The following PCDH15 variants were observed in gnomAD, a reference collection of about 807,000 sequenced individuals.
PCDH15 encodes the protein protocadherin-15.
PCDH15 carries 129 observed loss-of-function variants against 178.5 expected under a neutral mutation model. The ratio of observed to expected loss-of-function variants is 0.72; its 90% CI spans 0.63 to 0.84. PCDH15 has a LOEUF of 0.84. PCDH15 is among the 40% of genes least tolerant of loss of function. PCDH15 has a pLI of 0.00. For missense variants in PCDH15, 2,230 were observed against 2,099.9 expected (o/e 1.06, Z -1.21); for synonymous variants, 800 against 732.0 (o/e 1.09, Z -1.50).
intron 3 of PCDH15, among the ~76,000 whole-genome samples, chr10:54,505,859 C>T (rs1216438982): frequency 6.6e-6 from 1 of 152,042 alleles, no homozygotes; most frequent in Non-Finnish European, 1.5e-5. Context: ...ATAAAATTAG[C>T]TTGTGAAAGT....
At chr10:54,456,767 C>T (rs1325619364) in intron 3 of PCDH15, among the ~76,000 whole-genome samples, 1 of 152,088 alleles carries the variant, frequency 6.6e-6, no homozygotes, top group African/African-American at 2.4e-5. Flanking sequence ...ATGGGAGGGA[C>T]ACAGTGGGAG....
At chr10:55,425,589 A>C (rs1344810314) in intron 2 of PCDH15, among the ~76,000 whole-genome samples, 4 of 152,080 alleles carry the variant, frequency 2.6e-5, no homozygotes, top group Admixed American at 2.0e-4. Flanking sequence ...ATCTAATGTA[A>C]AATATCTTTA....
intron 3 of PCDH15, among the ~76,000 whole-genome samples, chr10:54,438,560 A>G (rs2075590986): frequency 6.6e-6 from 1 of 152,054 alleles, no homozygotes; most frequent in African/African-American, 2.4e-5. Context: ...CCATCTTGCC[A>G]TCAAAAGCTG....
At chr10:54,262,964 G>A (rs1404122279) in intron 8 of PCDH15, among the ~76,000 whole-genome samples, 1 of 152,230 alleles carries the variant, frequency 6.6e-6, no homozygotes, top group African/African-American at 2.4e-5. Context: ...CAGCTGGGCT[G>A]AAAATCACGG....
intron 1 of PCDH15, among the ~76,000 whole-genome samples, chr10:54,798,052 C>T (rs1043555347): frequency 3.7e-4 from 57 of 152,162 alleles, no homozygotes; most frequent in African/African-American, 1.3e-3. Context: ...CGGTTCTTGT[C>T]ACCATTTCAA....
intron 2 of PCDH15, among the ~76,000 whole-genome samples, chr10:54,656,296 C>A (rs975041409): frequency 1.6e-4 from 24 of 151,590 alleles, no homozygotes; most frequent in African/African-American, 5.8e-4. Context: ...CAGGAAGAGT[C>A]TGGCAGAGAT....
At chr10:55,035,317 C>T (rs564546360) in intron 2 of PCDH15, among the ~76,000 whole-genome samples, 1 of 152,216 alleles carries the variant, frequency 6.6e-6, no homozygotes, top group Admixed American at 6.5e-5. Context: ...CAACCCATTA[C>T]CCTGTCCCAA....
chr10:55,057,549 G>T (rs950527704), intron 2 of PCDH15, among the ~76,000 whole-genome samples: 10 of 152,070 alleles, frequency 6.6e-5, no homozygotes, highest in African/African-American at 2.2e-4. Flanking sequence ...AGTTGCTGTG[G>T]GAAGCTTGAA....
intron 1 of PCDH15, among the ~76,000 whole-genome samples, chr10:55,229,259 T>C (rs571926801): frequency 2.6e-5 from 4 of 151,876 alleles, no homozygotes; most frequent in African/African-American, 4.8e-5. Flanking sequence ...AAAATGTGCC[T>C]AACAAAATTT....
intron 8 of PCDH15, among the ~76,000 whole-genome samples, chr10:54,308,406 C>G (rs1389604232): frequency 6.6e-6 from 1 of 152,076 alleles, no homozygotes; most frequent in African/African-American, 2.4e-5. Context: ...ACTAAACTAA[C>G]GAACTCAATT....
chr10:54,435,842 C>T (rs1294959460), intron 3 of PCDH15, among the ~76,000 whole-genome samples: 12 of 151,756 alleles, frequency 7.9e-5, no homozygotes, highest in East Asian at 3.9e-4. Context: ...TGGTGGCGGG[C>T]GCCTGTAGTC....
rs571467531 is a variant in PCDH15 at position 54,345,944 on chromosome 10, C to T, written c.594+421G>A. 1.1e-4 allele frequency among the ~76,000 whole-genome samples: 16 copies of T among 151,628 alleles called. No individual in the cohort carries two copies. The South Asian group carries it at 2.5e-3, about 24-fold the overall frequency. On this transcript the variant is annotated intron_variant, in intron 6 of 37. Transcript: ENST00000644397. Reference sequence around the variant, plus strand: ...CTCTATCTTTGGTTTAACTGGTGGACGGCTAGAAGTTTAAAGGCTTATCAA... The same window carrying T: ...CTCTATCTTTGGTTTAACTGGTGGATGGCTAGAAGTTTAAAGGCTTATCAA...
chr10:53,839,670 A>C (rs1564582930), intron 29 of PCDH15, among the ~76,000 whole-genome samples: 1 of 98,062 alleles, frequency 1.0e-5, no homozygotes, highest in Non-Finnish European at 1.9e-5. Context: ...AAATTCTGTT[A>C]ACAATTTTTT....
At chr10:55,402,271 G>A (rs976182370) in intron 2 of PCDH15, among the ~76,000 whole-genome samples, 7 of 151,966 alleles carry the variant, frequency 4.6e-5, no homozygotes, top group Non-Finnish European at 1.0e-4. Context: ...TATTTATGGG[G>A]TACATATATT....
At chr10:54,544,050 C>T (rs1229790545) in intron 2 of PCDH15, among the ~76,000 whole-genome samples, 1 of 152,154 alleles carries the variant, frequency 6.6e-6, no homozygotes, top group Non-Finnish European at 1.5e-5. Flanking sequence ...TCCATCTCCA[C>T]ATTTCTATTT....
rs191412137 is a variant in PCDH15, at chr10:54,388,702, A to G, written c.158-9760T>C. ...TTGCTATGATCCTTCACCTTAAAAT[A>G]AAATAAATCACCTTGTTGGAAATGA... On this transcript the variant is annotated intron_variant, in intron 3 of 37. Transcript: ENST00000644397. Among the ~76,000 whole-genome samples, 56 of 152,314 alleles carry G rather than the reference A, an allele frequency of 3.7e-4. No homozygotes were observed. The East Asian group carries it at 9.9e-3, about 27-fold the overall frequency.
chr10:55,061,485 C>A (rs1168735065), intron 2 of PCDH15, among the ~76,000 whole-genome samples: 2 of 152,288 alleles, frequency 1.3e-5, no homozygotes, highest in African/African-American at 4.8e-5. Context: ...CTTTAGAAGA[C>A]AGTTTGACAG....
At chr10:54,971,780 G>A (rs902216574) in intron 2 of PCDH15, among the ~76,000 whole-genome samples, 1 of 152,172 alleles carries the variant, frequency 6.6e-6, no homozygotes, top group African/African-American at 2.4e-5. Context: ...TGTAAAGGCA[G>A]CCATGGCTAA....
chr10:54,098,190 T>TTGTGTGTG (rs35596789), intron 15 of PCDH15, among the ~76,000 whole-genome samples: 2 of 143,104 alleles, frequency 1.4e-5, no homozygotes, highest in African/African-American at 5.1e-5. Flanking sequence ...GAAAATAAAG[T>TTGTGTGTG]TGTGTGTGTG....
Sources: gnomAD v4.1 joint callset for allele counts (sites outside exome capture counted in the v4.1 genomes callset) on GRCh38, gnomAD v4.1.1 for gene constraint, MANE v1.5 for transcripts, NCBI Gene and HGNC (gene_info 2026-07-23, HGNC 2026-07-21) for gene names.